Variants in NELL1 observed in about 807,000 individuals in gnomAD.
NELL1 encodes protein kinase C-binding protein NELL1.
NELL1 carries 76 observed loss-of-function variants against 107.4 expected under a neutral mutation model. The ratio of observed to expected loss-of-function variants is 0.71; its 90% CI spans 0.59 to 0.86. The LOEUF is 0.86. Among genes scored for constraint, NELL1 ranks in the 40% least tolerant of loss-of-function variants. NELL1 has a pLI of 0.00. For synonymous variants in NELL1, 353 were observed against 341.2 expected (o/e 1.03, Z -0.38); for missense variants, 1,024 against 1,005.5 (o/e 1.02, Z -0.25).
At chr11:21,401,775 G>A (rs1320954163) in intron 15 of NELL1, among the ~76,000 whole-genome samples, 3 of 151,716 alleles carry the variant, frequency 2.0e-5, no homozygotes, top group Non-Finnish European at 4.4e-5. Flanking sequence ...TTCAAGCCAG[G>A]CATCCTGGAT....
At chr11:21,162,914 A>G (rs1207064528) in intron 13 of NELL1, among the ~76,000 whole-genome samples, 1 of 152,244 alleles carries the variant, frequency 6.6e-6, no homozygotes, top group Non-Finnish European at 1.5e-5. Flanking sequence ...CACAGCTGGT[A>G]TATACCCAAG....
chr11:21,347,139 GA>G (rs1362967625), intron 14 of NELL1, among the ~76,000 whole-genome samples: 1 of 152,140 alleles, frequency 6.6e-6, no homozygotes, highest in East Asian at 1.9e-4. Flanking sequence ...TGTTGTTTAA[GA>G]AATCCTAGGT....
At chr11:21,039,992 A>G (rs1469394854) in intron 12 of NELL1, among the ~76,000 whole-genome samples, 1 of 152,190 alleles carries the variant, frequency 6.6e-6, no homozygotes, top group Admixed American at 6.6e-5. Context: ...CAAAAGTAAC[A>G]TGATTATTTT....
intron 2 of NELL1, among the ~76,000 whole-genome samples, chr11:20,746,342 T>C (rs1245451501): frequency 6.6e-6 from 1 of 152,180 alleles, no homozygotes; most frequent in Admixed American, 6.5e-5. Context: ...AAGATGTGAT[T>C]TGGAGTCAGA....
At chr11:21,379,180 G>A (rs1174177335) in intron 15 of NELL1, among the ~76,000 whole-genome samples, 2 of 152,006 alleles carry the variant, frequency 1.3e-5, no homozygotes, top group South Asian at 4.1e-4. Flanking sequence ...ATTATAGAGT[G>A]TATAAATACA....
At chr11:21,391,164 C>T (rs754411227) in intron 15 of NELL1, among the ~76,000 whole-genome samples, 1 of 151,790 alleles carries the variant, frequency 6.6e-6, no homozygotes, top group Non-Finnish European at 1.5e-5. Context: ...AAACATTTTT[C>T]ATCAGAATAT....
In NELL1 at chr11:21,353,618, C is replaced by T. The variant is rs558201915; in HGVS notation, c.1550-17235C>T. On this transcript the variant is annotated intron_variant, in intron 14 of 19. Transcript: ENST00000357134. ...AAGGCAGATCGCTGGGCTCCAGTGC[C>T]AGCGGCTGTGTGCAGCATGAAAGCA... 4.1e-4 allele frequency among the ~76,000 whole-genome samples: 63 copies of T among 152,260 alleles called. No homozygotes were observed. The South Asian group carries it at 0.013, about 31-fold the overall frequency.
intron 2 of NELL1, among the ~76,000 whole-genome samples, chr11:20,706,608 C>T (rs1369465405): frequency 6.6e-6 from 1 of 151,684 alleles, no homozygotes; most frequent in Non-Finnish European, 1.5e-5. Flanking sequence ...CAACATGGCA[C>T]ATGTATACAT....
At chr11:21,524,234 C>G (rs1442841964) in intron 15 of NELL1, among the ~76,000 whole-genome samples, 1 of 152,026 alleles carries the variant, frequency 6.6e-6, no homozygotes, top group South Asian at 2.1e-4. Flanking sequence ...ATGTACACCT[C>G]CATTTTCAGT....
At chr11:20,734,070 A>G (rs909228713) in intron 2 of NELL1, among the ~76,000 whole-genome samples, 3 of 152,202 alleles carry the variant, frequency 2.0e-5, no homozygotes, top group African/African-American at 7.2e-5. Context: ...ACCTGAGGTG[A>G]TGGAAGAAGC....
chr11:21,553,147 G>T (rs1226240265), intron 16 of NELL1, among the ~76,000 whole-genome samples: 4 of 151,720 alleles, frequency 2.6e-5, no homozygotes, highest in African/African-American at 7.3e-5. Flanking sequence ...CCTTTCCTTG[G>T]CACAGAAGAG....
intron 2 of NELL1, among the ~76,000 whole-genome samples, chr11:20,728,266 C>T (rs952973192): frequency 8.6e-5 from 13 of 152,038 alleles, no homozygotes; most frequent in African/African-American, 3.1e-4. Context: ...TGTCTGTTTA[C>T]TCTGTTGATA....
chr11:21,030,851 G>A (rs1852939174), intron 12 of NELL1, among the ~76,000 whole-genome samples: 1 of 151,564 alleles, frequency 6.6e-6, no homozygotes, highest in Non-Finnish European at 1.5e-5. Flanking sequence ...TTCCTTCCAG[G>A]GTTTTACTAT....
intron 15 of NELL1, among the ~76,000 whole-genome samples, chr11:21,505,759 A>C (rs984722925): frequency 6.6e-6 from 1 of 152,300 alleles, no homozygotes; most frequent in Middle Eastern, 3.4e-3. Flanking sequence ...AGCAACTTTA[A>C]TCATCCCCTC....
At chr11:21,285,426 A>G (rs1259579975) in intron 14 of NELL1, among the ~76,000 whole-genome samples, 1 of 152,224 alleles carries the variant, frequency 6.6e-6, no homozygotes, top group Non-Finnish European at 1.5e-5. Flanking sequence ...TTGCCTAAAA[A>G]ATATACATTG....
chr11:20,823,993 G>T lies in NELL1; in HGVS notation c.336-23590G>T, dbSNP rs942410582. ...GAATGTGGGTAGTTAATATGGTCTG[G>T]CTGTGCATCCTCACCCAAATCTCAT... On this transcript the variant is annotated intron_variant, in intron 3 of 19. Coordinates refer to ENST00000357134, the MANE Select transcript of NELL1 (RefSeq NM_006157.5). Among the ~76,000 whole-genome samples the T allele has an allele frequency of 1.5e-4, 22 of 151,298 alleles. 2 individuals carry two copies. The highest frequency in any genetic ancestry group is 4.8e-4 in the African/African-American group (20 of 41,464).
intron 16 of NELL1, among the ~76,000 whole-genome samples, chr11:21,544,216 A>AC (rs1856371405): frequency 6.6e-6 from 1 of 152,004 alleles, no homozygotes; most frequent in Non-Finnish European, 1.5e-5. Context: ...CTTCACAAGT[A>AC]TTGGGATGTT....
chr11:21,538,942 C>T (rs947119594), intron 16 of NELL1, among the ~76,000 whole-genome samples: 1 of 152,074 alleles, frequency 6.6e-6, no homozygotes, highest in African/African-American at 2.4e-5. Flanking sequence ...TCTTATTCTG[C>T]TCTTCCTAAA....
At chr11:20,732,269 T>G (rs1471275153) in intron 2 of NELL1, among the ~76,000 whole-genome samples, 1 of 152,146 alleles carries the variant, frequency 6.6e-6, no homozygotes, top group African/African-American at 2.4e-5. Context: ...TTATGCTTCA[T>G]GAATCTGAAT....
Sources: gnomAD v4.1 joint callset for allele counts (sites outside exome capture counted in the v4.1 genomes callset) on GRCh38, gnomAD v4.1.1 for gene constraint, MANE v1.5 for transcripts, NCBI Gene and HGNC (gene_info 2026-07-23, HGNC 2026-07-21) for gene names.